The following CFAP54 variants were observed in gnomAD, a reference collection of about 807,000 sequenced individuals.
The protein encoded by CFAP54 is cilia- and flagella-associated protein 54.
A neutral mutation model predicts 370.4 loss-of-function variants in CFAP54; 290 were observed. That is an observed-to-expected ratio of 0.78 (90% CI 0.71 to 0.86). The LOEUF (loss-of-function observed/expected upper bound fraction) is 0.86. CFAP54 is among the 40% of genes least tolerant of loss of function. The pLI is 0.00. For missense variants in CFAP54, 3,399 were observed against 3,528.7 expected (o/e 0.96, Z 0.93); for synonymous variants, 1,206 against 1,236.5 (o/e 0.98, Z 0.52).
intron 65 of CFAP54, among the ~76,000 whole-genome samples, chr12:96,826,462 T>C (rs1372758870): frequency 8.2e-6 from 1 of 121,512 alleles, no homozygotes; most frequent in Non-Finnish European, 1.6e-5. Flanking sequence ...TGTTATTTAC[T>C]ATATATTATA....
chr12:96,815,190 GT>G (rs1366182438), intron 64 of CFAP54, among the ~76,000 whole-genome samples: 1 of 152,088 alleles, frequency 6.6e-6, no homozygotes, highest in Non-Finnish European at 1.5e-5. Context: ...AAGTGTTCCT[GT>G]TTTTCCGCAT....
rs1955107605 is a variant in CFAP54, at chr12:96,506,918, T to C, written c.568-10T>C. ...TTCTATTTCTATTTCTATTTTCCCA[T>C]GTGTTTCAGTTTCATGCTTTGAGTG... On this transcript the variant is annotated splice_polypyrimidine_tract_variant and intron_variant, in intron 3 of 67. Transcript: ENST00000524981. 3.3e-6 allele frequency: 5 copies of C among 1,526,428 alleles called. No individual in the cohort carries two copies. The highest frequency in any genetic ancestry group is 4.4e-6 in the Non-Finnish European group (5 of 1,142,938). The allele number at this position is 1,526,428 out of a possible 1,614,324, so 94.6% of individuals were successfully genotyped here.
chr12:96,529,255 A>G (rs890832851), intron 9 of CFAP54, among the ~76,000 whole-genome samples: 23 of 152,140 alleles, frequency 1.5e-4, no homozygotes, highest in Non-Finnish European at 8.8e-5. Flanking sequence ...TGCTTTATAT[A>G]TATGTTGATT....
chr12:96,825,048 GCGCC>G (rs1565992170), intron 65 of CFAP54, among the ~76,000 whole-genome samples: 1 of 149,752 alleles, frequency 6.7e-6, no homozygotes, highest in East Asian at 2.0e-4. Flanking sequence ...CCCACCCTAC[GCGCC>G]CCACAATGCC....
At chr12:96,683,795 T>G in intron 40 of CFAP54, among the ~76,000 whole-genome samples, 1 of 147,454 alleles carries the variant, frequency 6.8e-6, no homozygotes, top group East Asian at 1.9e-4. Flanking sequence ...TGTGATTTTG[T>G]TGTTGTTTTT....
At position 96,802,674 on chromosome 12, in the gene CFAP54, T is replaced by C. The variant is rs1958833604; in HGVS notation, c.8851-9062T>C. The stretch of plus-strand genomic sequence containing the variant: ...TATTATTATACTTTAAGTTCTGGTA[T>C]ACATTTGCAGAACATGCAGGTTTGT... On this transcript the variant is annotated intron_variant, in intron 63 of 67. Coordinates refer to ENST00000524981, the MANE Select transcript of CFAP54 (RefSeq NM_001306084.2). Among the ~76,000 whole-genome samples the C allele has an allele frequency of 3.3e-5, 5 of 152,182 alleles. No individual in the cohort carries two copies. In the South Asian group the frequency reaches 1.0e-3, roughly 32 times the overall value.
intron 39 of CFAP54, among the ~76,000 whole-genome samples, chr12:96,671,852 G>T (rs1464676665): frequency 1.3e-5 from 2 of 152,066 alleles, no homozygotes; most frequent in Non-Finnish European, 2.9e-5. Flanking sequence ...AACCCAGGAG[G>T]TGGAGGTTGC....
chr12:96,693,621 T>C (rs1049729407), intron 44 of CFAP54, 101 bp from the exon 45 acceptor site: 9 of 717,176 alleles, frequency 1.3e-5, no homozygotes, highest in African/African-American at 7.2e-5. Context: ...AGCAAATCAG[T>C]ATATAACATA....
intron 13 of CFAP54, 107 bp downstream of exon 13, chr12:96,538,625 C>A: frequency 9.1e-7 from 1 of 1,097,396 alleles, no homozygotes; most frequent in South Asian, 1.6e-5. Context: ...TGGTTAATGA[C>A]TTTCATTTGC....
chr12:96,808,648 G>C (rs1206031586), intron 63 of CFAP54, among the ~76,000 whole-genome samples: 1 of 152,122 alleles, frequency 6.6e-6, no homozygotes, highest in Non-Finnish European at 1.5e-5. Context: ...CTCTGTTTAT[G>C]TAGTCAAAAA....
intron 63 of CFAP54, among the ~76,000 whole-genome samples, chr12:96,806,767 G>C (rs1275540252): frequency 6.6e-6 from 1 of 152,144 alleles, no homozygotes; most frequent in Non-Finnish European, 1.5e-5. Flanking sequence ...GCTGGAGCCT[G>C]ATCCTTCAGA....
chr12:96,742,099 G>A (rs993688068), intron 51 of CFAP54, among the ~76,000 whole-genome samples: 3 of 152,130 alleles, frequency 2.0e-5, no homozygotes, highest in Non-Finnish European at 4.4e-5. Flanking sequence ...CCCTTGAAAT[G>A]ACATTTACAA....
chr12:96,554,185 A>G lies in CFAP54; in HGVS notation c.2158A>G (p.Asn720Asp). ...TTTGTTTATAAAATTATTTTAGAAA[A>G]ATCCTGTGGAACAGTTACTTTTTGC... is the stretch of plus-strand genomic sequence containing the variant. Reference protein sequence around the residue: ...ITEILPILQKNPVEQLLFAYK... With the variant: ...ITEILPILQKDPVEQLLFAYK... The change falls in exon 16 of 68, where the codon AAT becomes GAT. Residue 720 changes from asparagine to aspartate, a missense_variant. Physicochemically the swap from Asn to Asp is conservative, Grantham distance 23. Transcript: ENST00000524981. 1 of 1,479,662 alleles carries G rather than the reference A, an allele frequency of 6.8e-7. No homozygotes were observed. The highest frequency in any genetic ancestry group is 8.9e-7 in the Non-Finnish European group (1 of 1,122,158). The allele number at this position is 1,479,662 out of a possible 1,614,324, so 91.7% of individuals were successfully genotyped here. A position where few individuals can be genotyped will look rare whatever the true frequency, so the allele number is the denominator to read the frequency against.
intron 60 of CFAP54, among the ~76,000 whole-genome samples, chr12:96,765,685 A>G (rs1958396183): frequency 6.6e-6 from 1 of 152,248 alleles, no homozygotes; most frequent in Admixed American, 6.5e-5. Flanking sequence ...GTCTTCATAT[A>G]TTCAATTTTC....
chr12:96,579,726 T>A (rs1262439356), intron 20 of CFAP54, among the ~76,000 whole-genome samples: 1 of 152,126 alleles, frequency 6.6e-6, no homozygotes, highest in Non-Finnish European at 1.5e-5. Context: ...GCTCCCTTTT[T>A]CTCTGTAGGG....
chr12:96,810,065 G>A (rs1415216730), intron 63 of CFAP54, among the ~76,000 whole-genome samples: 1 of 152,068 alleles, frequency 6.6e-6, no homozygotes, highest in Non-Finnish European at 1.5e-5. Flanking sequence ...CAAGGGAAAG[G>A]AGGAGTCTCC....
At chr12:96,714,706 A>C (rs1174238666) in intron 48 of CFAP54, among the ~76,000 whole-genome samples, 1 of 152,148 alleles carries the variant, frequency 6.6e-6, no homozygotes, top group African/African-American at 2.4e-5. Context: ...AGTGGAATCA[A>C]ACAGAATGTG....
intron 17 of CFAP54, among the ~76,000 whole-genome samples, chr12:96,562,462 T>C (rs902352477): frequency 1.3e-5 from 2 of 150,450 alleles, no homozygotes; most frequent in South Asian, 4.2e-4. Flanking sequence ...AGTCTCCCTC[T>C]GTCACCTAGG....
chr12:96,766,015 A>G (rs1958398975), intron 60 of CFAP54, among the ~76,000 whole-genome samples: 1 of 152,120 alleles, frequency 6.6e-6, no homozygotes, highest in African/African-American at 2.4e-5. Context: ...CATTTCACTA[A>G]CATCCACCTC....
Sources: allele counts gnomAD v4.1 joint callset (sites outside exome capture counted in the v4.1 genomes callset), GRCh38; gene constraint gnomAD v4.1.1; transcripts MANE v1.5; gene names NCBI Gene and HGNC (gene_info 2026-07-23, HGNC 2026-07-21).